GAPVD1: variants seen among roughly 807,000 people sequenced by gnomAD.
GAPVD1 encodes GTPase activating protein and VPS9 domains 1, also known as GTPase-activating protein and VPS9 domain-containing protein 1.
Under a neutral mutation model 155.5 loss-of-function variants are expected in GAPVD1, and 35 were observed. The ratio of observed to expected loss-of-function variants is 0.23; its 90% CI spans 0.17 to 0.30. GAPVD1 has a LOEUF of 0.30. Among genes scored for constraint, GAPVD1 ranks in the 10% least tolerant of loss-of-function variants. GAPVD1 has a pLI of 1.00. For synonymous variants in GAPVD1, 636 were observed against 619.7 expected (o/e 1.03, Z -0.39); for missense variants, 1,429 against 1,775.7 (o/e 0.80, Z 3.51).
intron 23 of GAPVD1, among the ~76,000 whole-genome samples, chr9:125,353,151 C>T (rs973608100): frequency 2.6e-5 from 4 of 152,112 alleles, no homozygotes; most frequent in African/African-American, 9.7e-5. Context: ...ACCCAAGTCA[C>T]CTCTTGAATG....
chr9:125,338,663 A>G (rs1353389086), intron 17 of GAPVD1, among the ~76,000 whole-genome samples: 3 of 152,194 alleles, frequency 2.0e-5, no homozygotes, highest in Non-Finnish European at 2.9e-5. Flanking sequence ...CAGGAATATC[A>G]CTGAAATGAC....
Position 125,336,870 on chromosome 9 carries a change from A to G in GAPVD1, c.2429-148A>G, listed in dbSNP as rs1847096448. On this transcript the variant is annotated intron_variant, in intron 15 of 27. Coordinates refer to ENST00000297933, the MANE Select transcript of GAPVD1 (RefSeq NM_001282680.3). ...AACAGAAAATGAATTGGAAGTAATC[A>G]TAATTTGATTTTTTTTTTCTGGTAT... The G allele has an allele frequency of 2.2e-5, 13 of 592,928 alleles. No individual in the cohort carries two copies. The South Asian group carries it at 2.8e-4, about 13-fold the overall frequency. The allele number at this position is 592,928 out of a possible 1,614,324, so 36.7% of individuals were successfully genotyped here.
At position 125,312,478 on chromosome 9, in the gene GAPVD1, A is replaced by T; in HGVS notation, c.1468A>T (p.Met490Leu). The T allele has an allele frequency of 6.3e-7, 1 of 1,593,866 alleles. No individual in the cohort carries two copies. The highest frequency in any genetic ancestry group is 8.5e-7 in the Non-Finnish European group (1 of 1,173,298). ...AACTCGGAGCAGAAGCCGCACCAATATGCTAATGGACCTACATATGGACCA... is the reference window on the plus strand; with the variant it reads ...AACTCGGAGCAGAAGCCGCACCAATTTGCTAATGGACCTACATATGGACCA... ...IATRSRSRTN[M>L]LMDLHMDHEG... is the part of the protein sequence containing the mutation. Residue 490 changes from methionine (M) to leucine (L), a missense_variant, in exon 9 of 28, where the codon ATG becomes TTG. Physicochemically the swap from Met to Leu is conservative, Grantham distance 15 (BLOSUM62 2). Coordinates refer to ENST00000297933, the MANE Select transcript of GAPVD1 (RefSeq NM_001282680.3).
At chr9:125,318,374 C>CGTATTTTATACTCCAGTGTGTATTTT (rs1843754976) in intron 9 of GAPVD1, among the ~76,000 whole-genome samples, 2 of 152,166 alleles carry the variant, frequency 1.3e-5, no homozygotes, top group African/African-American at 4.8e-5. Context: ...ATTAGATTTT[C>CGTATTTTATACTCCAGTGTGTATTTT]GTATTTTATA....
At chr9:125,275,470 C>G (rs1214287784) in intron 2 of GAPVD1, among the ~76,000 whole-genome samples, 5 of 152,260 alleles carry the variant, frequency 3.3e-5, no homozygotes, top group Admixed American at 3.3e-4. Context: ...ATCTTGTTGC[C>G]AGGCATGGTG....
At chr9:125,293,266 T>A (rs1281093828) in intron 2 of GAPVD1, among the ~76,000 whole-genome samples, 2 of 152,080 alleles carry the variant, frequency 1.3e-5, no homozygotes, top group Non-Finnish European at 2.9e-5. Flanking sequence ...TATGTTTGAA[T>A]CTTGGGTGAT....
chr9:125,322,295 A>G (rs906076702), intron 10 of GAPVD1, among the ~76,000 whole-genome samples: 4 of 151,812 alleles, frequency 2.6e-5, no homozygotes, highest in African/African-American at 7.3e-5. Flanking sequence ...CGATCTCCTG[A>G]CCTCGTGATC....
Position 125,330,047 on chromosome 9 carries a change from G to A in GAPVD1, c.2033-31G>A, listed in dbSNP as rs775671476. The A allele has an allele frequency of 5.8e-6, 9 of 1,558,858 alleles. No homozygotes were observed. In the African/African-American group the frequency reaches 9.6e-5, roughly 17 times the overall value. On this transcript the variant is annotated intron_variant, in intron 12 of 27. Coordinates refer to ENST00000297933, the MANE Select transcript of GAPVD1 (RefSeq NM_001282680.3). Reference sequence around the variant, plus strand: ...CACTGCACTTTCCTCCAGGATCTTTGTTAACCCTTTGCTTCCCACTGGTTA... The same window carrying A: ...CACTGCACTTTCCTCCAGGATCTTTATTAACCCTTTGCTTCCCACTGGTTA...
Position 125,290,323 on chromosome 9 carries a change from G to A in GAPVD1, c.-149-5135G>A, listed in dbSNP as rs187096044. Among the ~76,000 whole-genome samples the A allele has an allele frequency of 3.4e-3, 518 of 152,228 alleles. 9 individuals carry two copies. Among genetic ancestry groups the A allele is most frequent in the Non-Finnish European group, 9.6e-4 (65 of 68,022 alleles). On this transcript the variant is annotated intron_variant, in intron 2 of 27. Transcript: ENST00000297933. ...ATCCAGTAGAGAGAAAAATATGAAC[G>A]TGGGGAAAGGGTGGCTGGATTTCTT...
Position 125,363,451 on chromosome 9 carries a change from T to G in GAPVD1, c.*705T>G, listed in dbSNP as rs1040765827. The G allele has an allele frequency of 1.3e-5, 2 of 152,152 alleles. No individual in the cohort carries two copies. Among genetic ancestry groups the G allele is most frequent in the African/African-American group, 2.4e-5 (1 of 41,426 alleles). The allele number at this position is 152,152 out of a possible 1,614,324, so 9.4% of individuals were successfully genotyped here. ...AAAATGTAATACAGTTTATTGAACTTTCTAGGTATGGAGTTTGATGGACAG... is the reference window on the plus strand; with the variant it reads ...AAAATGTAATACAGTTTATTGAACTGTCTAGGTATGGAGTTTGATGGACAG... On this transcript the variant is annotated 3_prime_UTR_variant, in exon 28 of 28. Coordinates refer to ENST00000297933, the MANE Select transcript of GAPVD1 (RefSeq NM_001282680.3).
Position 125,340,803 on chromosome 9 carries a change from AC to A in GAPVD1, c.2878-372del, listed in dbSNP as rs1188468535. Among the ~76,000 whole-genome samples the A allele has an allele frequency of 2.0e-5, 3 of 152,334 alleles. No homozygotes were observed. In the South Asian group the frequency reaches 6.2e-4, roughly 32 times the overall value. On this transcript the variant is annotated intron_variant, in intron 17 of 27. Coordinates refer to ENST00000297933, the MANE Select transcript of GAPVD1 (RefSeq NM_001282680.3). ...GGTAAACTACCGTGCTCCAAAAGTCACCTACGTGGCAATAAGAGTTGTGCCT... is the reference window on the plus strand; with the variant it reads ...GGTAAACTACCGTGCTCCAAAAGTCACTACGTGGCAATAAGAGTTGTGCCT...
At chr9:125,346,973 AC>A in intron 20 of GAPVD1, 32 bp downstream of exon 20, 1 of 1,607,962 alleles carries the variant, frequency 6.2e-7, no homozygotes, top group Non-Finnish European at 8.5e-7. Flanking sequence ...TGAGTAGTAA[AC>A]TTTTATATCA....
chr9:125,335,570 G>A (rs566116339), intron 15 of GAPVD1, among the ~76,000 whole-genome samples: 70 of 151,930 alleles, frequency 4.6e-4, no homozygotes, highest in African/African-American at 1.4e-3. Flanking sequence ...CCAGCTACTC[G>A]GGAGGCTGAG....
intron 11 of GAPVD1, 95 bp from the exon 12 acceptor site, chr9:125,326,321 C>A: frequency 2.3e-6 from 2 of 853,984 alleles, no homozygotes. Flanking sequence ...AGTTCGAGAC[C>A]AGCCTGACCA....
chr9:125,297,328 G>A (rs893956057), intron 3 of GAPVD1, among the ~76,000 whole-genome samples: 1 of 152,174 alleles, frequency 6.6e-6, no homozygotes, highest in Non-Finnish European at 1.5e-5. Flanking sequence ...CAATAAGCAC[G>A]ATTAACATGC....
chr9:125,307,663 A>G, intron 7 of GAPVD1, 28 bp from the exon 8 acceptor site: 1 of 1,595,914 alleles, frequency 6.3e-7, no homozygotes, highest in Non-Finnish European at 8.6e-7. Flanking sequence ...AAGTGATTTC[A>G]TTAGCTAATG....
chr9:125,310,205 G>A (rs1175917858), intron 8 of GAPVD1, among the ~76,000 whole-genome samples: 3 of 152,108 alleles, frequency 2.0e-5, no homozygotes, highest in African/African-American at 7.2e-5. Context: ...ATTTAAATTT[G>A]CAATTCAGTA....
intron 2 of GAPVD1, among the ~76,000 whole-genome samples, chr9:125,277,404 G>A (rs1835958767): frequency 1.3e-5 from 2 of 152,172 alleles, no homozygotes; most frequent in Non-Finnish European, 2.9e-5. Flanking sequence ...ATACCTAAGT[G>A]TGATTTAACT....
chr9:125,353,550 A>G (rs1157732667), intron 23 of GAPVD1, among the ~76,000 whole-genome samples: 1 of 152,092 alleles, frequency 6.6e-6, no homozygotes, highest in African/African-American at 2.4e-5. Context: ...TTTGTCTGTT[A>G]TTATGCTGCT....
Sources: gnomAD v4.1 joint callset for allele counts (sites outside exome capture counted in the v4.1 genomes callset) on GRCh38, gnomAD v4.1.1 for gene constraint, MANE v1.5 for transcripts, NCBI Gene and HGNC (gene_info 2026-07-23, HGNC 2026-07-21) for gene names.